Variants in TRPC1 observed in about 807,000 individuals in gnomAD.
TRPC1 encodes transient receptor potential cation channel subfamily C member 1, also known as short transient receptor potential channel 1.
TRPC1 carries 42 observed loss-of-function variants against 88.2 expected under a neutral mutation model. That is an observed-to-expected ratio of 0.48 (90% CI 0.37 to 0.62). The LOEUF (loss-of-function observed/expected upper bound fraction) is 0.62. Ranked by LOEUF, TRPC1 falls within the 20% of genes least tolerant of loss-of-function variation. The probability of loss-of-function intolerance (pLI) is 0.00; values close to 1 mark genes in which losing one functional copy is unlikely to be tolerated. For synonymous variants in TRPC1, 288 were observed against 331.8 expected (o/e 0.87, Z 1.43); for missense variants, 699 against 957.3 (o/e 0.73, Z 3.56).
At chr3:142,728,554 C>T (rs926678898) in intron 1 of TRPC1, among the ~76,000 whole-genome samples, 3 of 152,088 alleles carry the variant, frequency 2.0e-5, no homozygotes, top group African/African-American at 4.8e-5. Flanking sequence ...CTCCCGACCT[C>T]GAGTGATCCA....
chr3:142,725,113 C>T (rs1933622197), intron 1 of TRPC1, among the ~76,000 whole-genome samples: 1 of 152,224 alleles, frequency 6.6e-6, no homozygotes, highest in Admixed American at 6.5e-5. Context: ...GGCTAGTTTC[C>T]GACACTCCAG....
chr3:142,780,408 CTAGT>C (rs1935923500), intron 5 of TRPC1, among the ~76,000 whole-genome samples: 1 of 151,932 alleles, frequency 6.6e-6, no homozygotes, highest in Non-Finnish European at 1.5e-5. Context: ...TGAAAAAGCT[CTAGT>C]TAAAAATTTT....
At chr3:142,785,573 C>T (rs1195233864) in intron 7 of TRPC1, among the ~76,000 whole-genome samples, 1 of 152,204 alleles carries the variant, frequency 6.6e-6, no homozygotes, top group Non-Finnish European at 1.5e-5. Flanking sequence ...ACAGTCTTGG[C>T]TTACTGCAAC....
In TRPC1 at chr3:142,724,291, C is replaced by A. The variant is rs935317272; in HGVS notation, c.-269C>A. 5 of 212,914 alleles carry A rather than the reference C, an allele frequency of 2.3e-5. No homozygotes were observed. Among genetic ancestry groups the A allele is most frequent in the African/African-American group, 6.9e-5 (3 of 43,246 alleles). 13.2% of individuals were successfully genotyped at this position (212,914 alleles called of 1,614,324 possible). A position where few individuals can be genotyped will look rare whatever the true frequency, so the allele number is the denominator to read the frequency against. ...CTGTCGTCCCCGGACGGGCGCGGAC[C>A]GGCTCGGCCGGGGCGCCGGCGGCTG... On this transcript the variant is annotated 5_prime_UTR_variant, in exon 1 of 13. Transcript: ENST00000476941. This position sits in a 1 kb window ranked among gnomAD's most constrained non-coding sequence, Gnocchi z 5.6.
At chr3:142,727,077 GA>G (rs1416198823) in intron 1 of TRPC1, among the ~76,000 whole-genome samples, 1 of 152,194 alleles carries the variant, frequency 6.6e-6, no homozygotes, top group East Asian at 1.9e-4. Flanking sequence ...GTGAATGAGT[GA>G]ACATCATTTG....
intron 3 of TRPC1, 35 bp downstream of exon 3, chr3:142,743,621 T>C: frequency 7.3e-7 from 1 of 1,370,452 alleles, no homozygotes; most frequent in Non-Finnish European, 9.6e-7. Flanking sequence ...ATTTGGATTT[T>C]TAAACCAAAA....
intron 9 of TRPC1, among the ~76,000 whole-genome samples, chr3:142,798,008 A>G (rs1936503870): frequency 6.6e-6 from 1 of 152,114 alleles, no homozygotes; most frequent in Admixed American, 6.6e-5. Flanking sequence ...GGTGTATATT[A>G]GAGTTAGAGA....
Position 142,807,745 on chromosome 3 carries a change from G to A in TRPC1, c.*1510G>A, listed in dbSNP as rs974193204. On this transcript the variant is annotated 3_prime_UTR_variant, in exon 13 of 13. Transcript: ENST00000476941. Reference sequence around the variant, plus strand: ...TTGGGATTTTACATCTGGATTTTTAGTCATTCTAAAAAACACCTAATTATT... The same window carrying A: ...TTGGGATTTTACATCTGGATTTTTAATCATTCTAAAAAACACCTAATTATT... 6.6e-6 allele frequency: 1 copy of A among 151,928 alleles called. No homozygotes were observed. Among genetic ancestry groups the A allele is most frequent in the African/African-American group, 2.4e-5 (1 of 41,352 alleles). 9.4% of individuals were successfully genotyped at this position (151,928 alleles called of 1,614,324 possible). A position where few individuals can be genotyped will look rare whatever the true frequency, so the allele number is the denominator to read the frequency against.
At position 142,784,892 on chromosome 3, in the gene TRPC1, T is replaced by C; in HGVS notation, c.1149T>C (p.Pro383=). 1 of 1,614,140 alleles carries C rather than the reference T, an allele frequency of 6.2e-7. No homozygotes were observed. Among genetic ancestry groups the C allele is most frequent in the South Asian group, 1.1e-5 (1 of 91,076 alleles). The stretch of plus-strand genomic sequence containing the variant: ...AGTTTGGCAGAATCATTCACACACC[T>C]TTTATGAAATTTATCATTCATGGAG... The part of the protein sequence containing the change: ...KSQFGRIIHT[P]FMKFIIHGAS... The change falls in exon 7 of 13, where the codon CCT becomes CCC. Residue 383 remains proline, a synonymous_variant. Coordinates refer to ENST00000476941, the MANE Select transcript of TRPC1 (RefSeq NM_001251845.2).
At chr3:142,747,158 T>C (rs180919947) in intron 3 of TRPC1, among the ~76,000 whole-genome samples, 1 of 152,268 alleles carries the variant, frequency 6.6e-6, no homozygotes, top group Admixed American at 6.5e-5. Flanking sequence ...GTCCTTAGAA[T>C]ACCTACTGTT....
At position 142,767,046 on chromosome 3, in the gene TRPC1, C is replaced by T. The variant is rs898013505; in HGVS notation, c.633-10586C>T. On this transcript the variant is annotated intron_variant, in intron 4 of 12. Coordinates refer to ENST00000476941, the MANE Select transcript of TRPC1 (RefSeq NM_001251845.2). The surrounding 1 kb of genome is among the most constrained non-coding windows in gnomAD (Gnocchi z 5.1). Reference sequence around the variant, plus strand: ...GTGTTGAATCATTTAGGCAGAAATGCCATCTTAAAAATATTGAATTATCCA... The same window carrying T: ...GTGTTGAATCATTTAGGCAGAAATGTCATCTTAAAAATATTGAATTATCCA... Among the ~76,000 whole-genome samples, 3 of 152,130 alleles carry T rather than the reference C, an allele frequency of 2.0e-5. No homozygotes were observed. Among genetic ancestry groups the T allele is most frequent in the Non-Finnish European group, 2.9e-5 (2 of 68,014 alleles).
intron 9 of TRPC1, among the ~76,000 whole-genome samples, chr3:142,797,223 A>C (rs1317845502): frequency 6.6e-6 from 1 of 151,816 alleles, no homozygotes; most frequent in Non-Finnish European, 1.5e-5. Flanking sequence ...ATTTTCTCAA[A>C]TATTAATCCC....
In TRPC1 at chr3:142,739,768, T is replaced by TA. The variant is rs552331704; in HGVS notation, c.327+3236dup. Among the ~76,000 whole-genome samples, 16 of 152,332 alleles carry TA rather than the reference T, an allele frequency of 1.1e-4. No homozygotes were observed. The South Asian group carries it at 2.7e-3, about 26-fold the overall frequency. The stretch of plus-strand genomic sequence containing the variant: ...ATGGAAAGTGGGAAAGGCTATAGCC[T>TA]ATGTCAATAGTTTTTGTAGTAATCT... On this transcript the variant is annotated intron_variant, in intron 2 of 12. Coordinates refer to ENST00000476941, the MANE Select transcript of TRPC1 (RefSeq NM_001251845.2).
chr3:142,790,976 G>T, intron 7 of TRPC1, 43 bp from the exon 8 acceptor site: 6 of 1,454,280 alleles, frequency 4.1e-6, no homozygotes, highest in East Asian at 5.1e-5. Flanking sequence ...TTTATTTATT[G>T]AATTAAGAAA....
chr3:142,766,096 T>C (rs907464476), intron 4 of TRPC1, among the ~76,000 whole-genome samples: 1 of 152,154 alleles, frequency 6.6e-6, no homozygotes, highest in Non-Finnish European at 1.5e-5. Flanking sequence ...TGTGTCTATA[T>C]TTACATCAAT....
intron 9 of TRPC1, among the ~76,000 whole-genome samples, chr3:142,795,065 G>A (rs1005326256): frequency 1.3e-5 from 2 of 152,012 alleles, no homozygotes; most frequent in African/African-American, 4.8e-5. Flanking sequence ...AATTTTCACT[G>A]TGACCTGAAA....
chr3:142,755,220 C>T (rs951346913), intron 4 of TRPC1, among the ~76,000 whole-genome samples: 8 of 151,916 alleles, frequency 5.3e-5, no homozygotes, highest in Admixed American at 2.6e-4. Context: ...GTCAGGAGTT[C>T]GAGACCAGCC....
At position 142,780,830 on chromosome 3, in the gene TRPC1, A is replaced by G; in HGVS notation, c.765-4A>G. On this transcript the variant is annotated splice_region_variant and splice_polypyrimidine_tract_variant and intron_variant, in intron 5 of 12. Transcript: ENST00000476941. ...TTCTGATAATAGAATGCTGCATTTT[A>G]TAGGAATGATTATGAGGAACTAGCC... is the stretch of plus-strand genomic sequence containing the variant. 3 of 1,595,658 alleles carry G rather than the reference A, an allele frequency of 1.9e-6. No homozygotes were observed. The highest frequency in any genetic ancestry group is 2.6e-6 in the Non-Finnish European group (3 of 1,172,220).
intron 1 of TRPC1, among the ~76,000 whole-genome samples, chr3:142,731,080 T>A (rs370758155): frequency 1.3e-5 from 2 of 152,202 alleles, no homozygotes; most frequent in East Asian, 1.9e-4. Flanking sequence ...GTAAATTTGT[T>A]GCTAAGGATC....
Sources: allele counts gnomAD v4.1 joint callset (sites outside exome capture counted in the v4.1 genomes callset), GRCh38; gene constraint gnomAD v4.1.1; non-coding constraint Gnocchi (gnomAD v3.1); transcripts MANE v1.5; gene names NCBI Gene and HGNC (gene_info 2026-07-23, HGNC 2026-07-21).